Variants in CDC14A observed in about 807,000 individuals in gnomAD.
CDC14A encodes the protein cell division cycle 14A.
In CDC14A, 53 loss-of-function variants were observed where a neutral mutation model predicts 74.4. That is an observed-to-expected ratio of 0.71 (90% CI 0.57 to 0.89). The LOEUF is 0.89. CDC14A is among the 40% of genes least tolerant of loss of function. The probability of loss-of-function intolerance (pLI) is 0.00; values close to 1 mark genes in which losing one functional copy is unlikely to be tolerated. For missense variants in CDC14A, 646 were observed against 713.7 expected (o/e 0.91, Z 1.08); for synonymous variants, 247 against 258.4 (o/e 0.96, Z 0.43).
At chr1:100,498,780 A>G in intron 14 of CDC14A, 149 bp from the exon 15 acceptor site, 1 of 1,164,582 alleles carries the variant, frequency 8.6e-7, no homozygotes, top group Non-Finnish European at 1.2e-6. Context: ...AAGGGTGATG[A>G]GGAAGCCATC....
chr1:100,372,529 T>A (rs1407271735), intron 2 of CDC14A, among the ~76,000 whole-genome samples: 1 of 152,238 alleles, frequency 6.6e-6, no homozygotes, highest in Non-Finnish European at 1.5e-5. Flanking sequence ...AGAACCCAGT[T>A]TCTTTGCTCA....
At chr1:100,353,431 C>A (rs1426675206) in intron 1 of CDC14A, among the ~76,000 whole-genome samples, 2 of 152,238 alleles carry the variant, frequency 1.3e-5, no homozygotes, top group East Asian at 1.9e-4. Context: ...CCTCTTTCTT[C>A]CCCTTCTCGC....
At chr1:100,477,329 CT>C (rs1010077743) in intron 10 of CDC14A, among the ~76,000 whole-genome samples, 2 of 151,944 alleles carry the variant, frequency 1.3e-5, no homozygotes, top group African/African-American at 4.8e-5. Flanking sequence ...ATATTCTGAA[CT>C]TCTCTTATTC....
At chr1:100,349,841 G>T (rs575748148), upstream of CDC14A, among the ~76,000 whole-genome samples, 1 of 151,612 alleles carries the variant, frequency 6.6e-6, no homozygotes, top group Non-Finnish European at 1.5e-5. Flanking sequence ...TTTTTTTTGA[G>T]ACGGGGTCTT....
chr1:100,440,695 T>C (rs1341338662), intron 6 of CDC14A, among the ~76,000 whole-genome samples: 2 of 152,170 alleles, frequency 1.3e-5, no homozygotes, highest in Non-Finnish European at 2.9e-5. Context: ...TCATAGGACA[T>C]ATATAATAAT....
In CDC14A at chr1:100,498,359, C is replaced by A. The variant is rs368752017; in HGVS notation, c.1421+152C>A. The A allele has an allele frequency of 5.8e-6, 5 of 864,846 alleles. No individual in the cohort carries two copies. In the African/African-American group the frequency reaches 8.4e-5, roughly 15 times the overall value. The allele number at this position is 864,846 out of a possible 1,614,324, so 53.6% of individuals were successfully genotyped here. A position where few individuals can be genotyped will look rare whatever the true frequency, so the allele number is the denominator to read the frequency against. On this transcript the variant is annotated intron_variant, in intron 14 of 15. Coordinates refer to ENST00000336454, the MANE Select transcript of CDC14A (RefSeq NM_003672.4). ...CTGTGATGTTCTGGGGCTTCCGTTC[C>A]TGTCTTGGGAAGGCAGGAGACAAGG...
intron 2 of CDC14A, among the ~76,000 whole-genome samples, chr1:100,364,373 A>G (rs906031493): frequency 3.3e-5 from 5 of 151,312 alleles, no homozygotes; most frequent in African/African-American, 1.2e-4. Flanking sequence ...ACACCCAGCT[A>G]ATTTTTGTAT....
At chr1:100,470,056 T>A (rs961157130) in intron 10 of CDC14A, among the ~76,000 whole-genome samples, 3 of 152,182 alleles carry the variant, frequency 2.0e-5, no homozygotes, top group Non-Finnish European at 2.9e-5. Context: ...TGGTGAATAT[T>A]CCTCATGATC....
chr1:100,498,595 C>T (rs1342939147), intron 14 of CDC14A, among the ~76,000 whole-genome samples: 3 of 152,146 alleles, frequency 2.0e-5, no homozygotes, highest in African/African-American at 4.8e-5. Context: ...TTTTAATGCT[C>T]CCCTTACATG....
chr1:100,487,687 G>A (rs536609111), intron 11 of CDC14A, among the ~76,000 whole-genome samples: 187 of 152,340 alleles, frequency 1.2e-3, no homozygotes, highest in Middle Eastern at 0.01. Flanking sequence ...ACTAAGTTGT[G>A]GTTTTACTGA....
At chr1:100,512,022 A>T (rs1012913793) in intron 15 of CDC14A, among the ~76,000 whole-genome samples, 1 of 151,864 alleles carries the variant, frequency 6.6e-6, no homozygotes, top group African/African-American at 2.4e-5. Context: ...ACCTGGCACG[A>T]CCTGCCTTAA....
At chr1:100,497,618 TGAAAA>T (rs1346708406) in intron 13 of CDC14A, among the ~76,000 whole-genome samples, 1 of 152,010 alleles carries the variant, frequency 6.6e-6, no homozygotes, top group Admixed American at 6.6e-5. Flanking sequence ...GTTTGCAGGG[TGAAAA>T]GAAGAGGATG....
intron 9 of CDC14A, among the ~76,000 whole-genome samples, chr1:100,465,865 A>G (rs1387857764): frequency 1.3e-5 from 2 of 152,190 alleles, no homozygotes; most frequent in African/African-American, 2.4e-5. Flanking sequence ...CTATAAAGCA[A>G]TTGGTGTTTG....
intron 4 of CDC14A, among the ~76,000 whole-genome samples, chr1:100,396,550 G>A (rs909347306): frequency 6.6e-6 from 1 of 152,160 alleles, no homozygotes; most frequent in Admixed American, 6.5e-5. Context: ...TCATGACTGA[G>A]CCAACTTTGG....
intron 11 of CDC14A, 146 bp downstream of exon 11, chr1:100,484,597 A>G (rs1669845681): frequency 7.9e-7 from 1 of 1,261,314 alleles, no homozygotes; most frequent in Non-Finnish European, 1.0e-6. Flanking sequence ...TCTATATAGC[A>G]AGAAGCAGAG....
Position 100,409,016 on chromosome 1 carries a change from A to G in CDC14A, c.310-15206A>G, listed in dbSNP as rs566132506. Among the ~76,000 whole-genome samples, 3 of 152,202 alleles carry G rather than the reference A, an allele frequency of 2.0e-5. No individual in the cohort carries two copies. The East Asian group carries it at 5.8e-4, about 29-fold the overall frequency. On this transcript the variant is annotated intron_variant, in intron 4 of 15. Transcript: ENST00000336454. Reference sequence around the variant, plus strand: ...ATCCCCTGTATTAGTCCTTTTTCACACTGTTGATAAAGACATATCTGAGAC... The same window carrying G: ...ATCCCCTGTATTAGTCCTTTTTCACGCTGTTGATAAAGACATATCTGAGAC...
intron 5 of CDC14A, 59 bp from the exon 6 acceptor site, chr1:100,439,873 T>A: frequency 8.0e-7 from 1 of 1,253,092 alleles, no homozygotes; most frequent in South Asian, 1.2e-5. Context: ...GGTGTTATAT[T>A]TTATTATTTG....
intron 5 of CDC14A, 35 bp downstream of exon 5, chr1:100,424,336 G>A (rs1244323847): frequency 6.8e-7 from 1 of 1,466,838 alleles, no homozygotes; most frequent in Admixed American, 1.7e-5. Flanking sequence ...TTAAACTTTT[G>A]CTACAGAGCT....
At chr1:100,440,410 C>T (rs537057981) in intron 6 of CDC14A, among the ~76,000 whole-genome samples, 38 of 152,192 alleles carry the variant, frequency 2.5e-4, no homozygotes, top group Non-Finnish European at 2.1e-4. Context: ...TGGAGCCCTG[C>T]GGTCTGTATT....
Sources: gnomAD v4.1 joint callset for allele counts (sites outside exome capture counted in the v4.1 genomes callset) on GRCh38, gnomAD v4.1.1 for gene constraint, MANE v1.5 for transcripts, NCBI Gene and HGNC (gene_info 2026-07-23, HGNC 2026-07-21) for gene names.